Variants in SMARCB1 observed in about 807,000 individuals in gnomAD.
SMARCB1 encodes the protein SWI/SNF-related matrix-associated actin-dependent regulator of chromatin subfamily B member 1.
In SMARCB1, 5 loss-of-function variants were observed where a neutral mutation model predicts 49.0. The observed-to-expected ratio is 0.10, with a 90% CI of 0.05 to 0.21. The LOEUF is 0.21. Among genes scored for constraint, SMARCB1 ranks in the 10% least tolerant of loss-of-function variants. The pLI is 1.00. For synonymous variants in SMARCB1, 201 were observed against 200.1 expected (o/e 1.00, Z -0.04); for missense variants, 226 against 509.2 (o/e 0.44, Z 5.35).
chr22:23,800,177 A>G (rs1929053636), intron 3 of SMARCB1, among the ~76,000 whole-genome samples: 1 of 152,188 alleles, frequency 6.6e-6, no homozygotes, highest in African/African-American at 2.4e-5. Context: ...TGACCTTCCA[A>G]AGTGCTGGAG....
chr22:23,790,199 G>T (rs778627307), intron 1 of SMARCB1, among the ~76,000 whole-genome samples: 1 of 152,058 alleles, frequency 6.6e-6, no homozygotes, highest in Non-Finnish European at 1.5e-5. Context: ...GTAGTCATAG[G>T]GGGGAGTATT....
chr22:23,801,551 A>C, intron 4 of SMARCB1: 1 of 370,350 alleles, frequency 2.7e-6, no homozygotes, highest in Non-Finnish European at 5.2e-6. Flanking sequence ...ACTAGACCAG[A>C]CTCATGTGTG....
At chr22:23,798,208 C>T (rs1019804868) in intron 3 of SMARCB1, among the ~76,000 whole-genome samples, 1 of 152,108 alleles carries the variant, frequency 6.6e-6, no homozygotes, top group Non-Finnish European at 1.5e-5. Context: ...CTTCTTGGGC[C>T]CTTCCTCAGA....
chr22:23,793,272 T>C, intron 2 of SMARCB1: 1 of 488,098 alleles, frequency 2.0e-6, no homozygotes, highest in Non-Finnish European at 3.8e-6. Context: ...TGCTGTATTG[T>C]AGTTGCTGGT....
intron 6 of SMARCB1, among the ~76,000 whole-genome samples, chr22:23,822,211 G>A (rs1001335126): frequency 7.2e-5 from 11 of 152,240 alleles, no homozygotes; most frequent in African/African-American, 2.7e-4. Flanking sequence ...CCTGGCCCAA[G>A]TCGGCTTTGC....
chr22:23,835,074 G>C lies in SMARCB1; in HGVS notation c.*894G>C, dbSNP rs567070018. The C allele has an allele frequency of 5.7e-6, 8 of 1,398,266 alleles. No homozygotes were observed. In the East Asian group the frequency reaches 1.1e-4, roughly 19 times the overall value. 86.6% of individuals were successfully genotyped at this position (1,398,266 alleles called of 1,614,324 possible). A position where few individuals can be genotyped will look rare whatever the true frequency, so the allele number is the denominator to read the frequency against. On this transcript the variant is annotated 3_prime_UTR_variant, in exon 9 of 9. Transcript: ENST00000644036. Reference sequence around the variant, plus strand: ...CCAGCAGGTGCTGTGGCCTGGGCCAGCTCCTGCCTTACAAGCCAGCTGTGA... The same window carrying C: ...CCAGCAGGTGCTGTGGCCTGGGCCACCTCCTGCCTTACAAGCCAGCTGTGA...
At position 23,836,500 on chromosome 22, in the gene SMARCB1, G is replaced by T; in HGVS notation, c.*2320G>T. On this transcript the variant is annotated 3_prime_UTR_variant, in exon 9 of 9. Transcript: ENST00000644036. ...TGGGCAGGACTTGCCCAAGGCCCTG[G>T]TGGGGCCAGGATGAGAACCCTGAGC... The T allele has an allele frequency of 9.9e-7, 1 of 1,012,638 alleles. No homozygotes were observed. The highest frequency in any genetic ancestry group is 4.9e-4 in the Middle Eastern group (1 of 2,056). 62.7% of individuals were successfully genotyped at this position (1,012,638 alleles called of 1,614,324 possible). A position where few individuals can be genotyped will look rare whatever the true frequency, so the allele number is the denominator to read the frequency against.
At chr22:23,832,969 C>A (rs2030735984) in intron 7 of SMARCB1, among the ~76,000 whole-genome samples, 1 of 151,952 alleles carries the variant, frequency 6.6e-6, no homozygotes, top group Admixed American at 6.6e-5. Flanking sequence ...CAGCTCCCTG[C>A]CAGACAGCTG....
chr22:23,797,299 G>GTTTT (rs1160510750), intron 3 of SMARCB1, among the ~76,000 whole-genome samples: 1 of 136,642 alleles, frequency 7.3e-6, no homozygotes, highest in Non-Finnish European at 1.5e-5. Flanking sequence ...GGCCTGGCCT[G>GTTTT]TTTTTTTTTA....
At chr22:23,789,198 C>T (rs200267852) in intron 1 of SMARCB1, among the ~76,000 whole-genome samples, 2 of 152,152 alleles carry the variant, frequency 1.3e-5, no homozygotes, top group African/African-American at 2.4e-5. Flanking sequence ...AAAATTTTCA[C>T]GTTGTCACTT....
At chr22:23,800,877 G>A (rs1929100194) in intron 3 of SMARCB1, 67 bp from the exon 4 acceptor site, 4 of 1,223,304 alleles carry the variant, frequency 3.3e-6, no homozygotes, top group Admixed American at 1.7e-5. Context: ...TGGAGCATTA[G>A]TTGATTCCTG....
intron 6 of SMARCB1, among the ~76,000 whole-genome samples, chr22:23,819,297 T>C (rs1005573759): frequency 6.6e-6 from 1 of 152,060 alleles, no homozygotes; most frequent in Admixed American, 6.6e-5. Flanking sequence ...TGTGCAGGTA[T>C]CTGTTGGTGT....
intron 3 of SMARCB1, among the ~76,000 whole-genome samples, chr22:23,795,425 G>A (rs1861752701): frequency 6.6e-6 from 1 of 152,138 alleles, no homozygotes; most frequent in African/African-American, 2.4e-5. Context: ...GGAGGCCGAG[G>A]CGGGCGGATC....
At chr22:23,831,826 G>C (rs1226866846) in intron 7 of SMARCB1, among the ~76,000 whole-genome samples, 1 of 152,186 alleles carries the variant, frequency 6.6e-6, no homozygotes, top group Non-Finnish European at 1.5e-5. Context: ...GGCTAGGGTG[G>C]TCCCTAGACT....
At chr22:23,834,110 C>G (rs367593276) in intron 8 of SMARCB1, 31 bp from the exon 9 acceptor site, 1 of 1,568,578 alleles carries the variant, frequency 6.4e-7, no homozygotes, top group South Asian at 1.2e-5. Context: ...GAGCTGGCCC[C>G]GACTCATTGC....
At chr22:23,801,417 G>T (rs34524637) in intron 4 of SMARCB1, 2 of 620,144 alleles carry the variant, frequency 3.2e-6, no homozygotes, top group South Asian at 3.1e-5. Flanking sequence ...TGCCATCCAC[G>T]TGACTCCCAC....
At chr22:23,812,234 T>C (rs549682127) in intron 5 of SMARCB1, among the ~76,000 whole-genome samples, 4 of 152,226 alleles carry the variant, frequency 2.6e-5, no homozygotes, top group African/African-American at 9.6e-5. Context: ...GGTGGGAGGA[T>C]TACTTGAGGC....
At chr22:23,787,341 G>A (rs1216645977) in intron 1 of SMARCB1, 79 bp downstream of exon 1, 1 of 845,362 alleles carries the variant, frequency 1.2e-6, no homozygotes, top group Non-Finnish European at 1.8e-6. Flanking sequence ...CCGAGAGCGC[G>A]CGTCTCCATT....
chr22:23,806,040 G>A (rs972679612), intron 5 of SMARCB1, among the ~76,000 whole-genome samples: 23 of 152,266 alleles, frequency 1.5e-4, no homozygotes, highest in African/African-American at 5.3e-4. Flanking sequence ...AAGAGGAAAT[G>A]TTCAAGTTGA....
Sources: allele counts gnomAD v4.1 joint callset (sites outside exome capture counted in the v4.1 genomes callset), GRCh38; gene constraint gnomAD v4.1.1; transcripts MANE v1.5; gene names NCBI Gene and HGNC (gene_info 2026-07-23, HGNC 2026-07-21).